The following CCDC141 variants were observed in gnomAD, a reference collection of about 807,000 sequenced individuals.
The protein encoded by CCDC141 is coiled-coil domain-containing protein 141.
In CCDC141, 168 loss-of-function variants were observed where a neutral mutation model predicts 181.0. The observed-to-expected ratio is 0.93, with a 90% CI of 0.82 to 1.05. The LOEUF (loss-of-function observed/expected upper bound fraction) is 1.05, where lower values mean the gene tolerates loss of function less well. Ranked by LOEUF, CCDC141 falls within the 50% of genes least tolerant of loss-of-function variation. CCDC141 has a pLI of 0.00. For missense variants in CCDC141, 1,902 were observed against 1,788.5 expected, an observed-to-expected ratio of 1.06 and a Z score of -1.14; for synonymous variants, 666 against 642.3, an observed-to-expected ratio of 1.04 and a Z score of -0.56.
At chr2:179,027,494 A>G (rs1343931708) in intron 2 of CCDC141, among the ~76,000 whole-genome samples, 3 of 151,688 alleles carry the variant, frequency 2.0e-5, no homozygotes, top group Non-Finnish European at 4.4e-5. Context: ...AATACAAAAA[A>G]AATAGCTGGG....
chr2:178,880,059 G>A (rs1055761195), intron 11 of CCDC141, among the ~76,000 whole-genome samples: 6 of 152,184 alleles, frequency 3.9e-5, no homozygotes, highest in African/African-American at 1.4e-4. Flanking sequence ...AATCAGCATG[G>A]CAATCATCAG....
Position 178,845,803 on chromosome 2 carries a change from A to C in CCDC141, c.3358-61T>G, listed in dbSNP as rs76705033. ...GGAAAGTTGGAGAACAGTGCCATACACTAACTACTTGGAAGAAAACATAGA... is the reference window on the plus strand; with the variant it reads ...GGAAAGTTGGAGAACAGTGCCATACCCTAACTACTTGGAAGAAAACATAGA... On this transcript the variant is annotated intron_variant, in intron 21 of 23. Coordinates refer to ENST00000443758, the MANE Select transcript of CCDC141 (RefSeq NM_173648.4). 1.2e-3 allele frequency: 1,149 copies of C among 937,156 alleles called. 6 individuals are homozygous for C. The African/African-American group carries it at 0.017, about 14-fold the overall frequency. The allele number at this position is 937,156 out of a possible 1,614,324, so 58.1% of individuals were successfully genotyped here.
At chr2:179,014,195 G>A (rs1434819816) in intron 2 of CCDC141, among the ~76,000 whole-genome samples, 1 of 152,018 alleles carries the variant, frequency 6.6e-6, no homozygotes, top group East Asian at 1.9e-4. Flanking sequence ...TCAACAAATG[G>A]TGCTGGGATA....
chr2:178,961,551 T>C (rs1690403084), intron 4 of CCDC141, 68 bp from the exon 5 acceptor site: 10 of 1,153,972 alleles, frequency 8.7e-6, no homozygotes, highest in Non-Finnish European at 1.2e-5. Context: ...ATATTCAGAC[T>C]CTTCATAATT....
chr2:179,029,315 A>T (rs991571559), intron 2 of CCDC141, among the ~76,000 whole-genome samples: 1 of 152,208 alleles, frequency 6.6e-6, no homozygotes, highest in African/African-American at 2.4e-5. Context: ...TAAATAAGTT[A>T]GAGTAGCAAT....
rs1455077583 is a variant in CCDC141 at position 178,871,504 on chromosome 2, C to A, written c.2128G>T (p.Ala710Ser). The change falls in exon 14 of 24, where the codon GCA becomes TCA. Residue 710 changes from alanine (A) to serine (S), a missense_variant. By Grantham distance (99) the Ala-to-Ser change is moderately conservative (BLOSUM62 1). Transcript: ENST00000443758. ...TGGAGGCTCCCTCCGAGGTCAAGTGCAGACACAGGCATAAGTGCTTCCTGA... is the reference window on the plus strand; with the variant it reads ...TGGAGGCTCCCTCCGAGGTCAAGTGAAGACACAGGCATAAGTGCTTCCTGA... Reference protein sequence around the residue: ...LLQEALMPVSALDLGGSLQFI... With the variant: ...LLQEALMPVSSLDLGGSLQFI... 6.2e-7 allele frequency: 1 copy of A among 1,613,986 alleles called. No individual in the cohort carries two copies. Among genetic ancestry groups the A allele is most frequent in the South Asian group, 1.1e-5 (1 of 91,042 alleles).
intron 2 of CCDC141, among the ~76,000 whole-genome samples, chr2:179,042,260 C>T (rs952544370): frequency 9.2e-5 from 14 of 152,224 alleles, no homozygotes; most frequent in Non-Finnish European, 1.8e-4. Flanking sequence ...TTAAGAAATT[C>T]AGTCAAAATC....
At chr2:178,901,095 G>A (rs556529372) in intron 8 of CCDC141, among the ~76,000 whole-genome samples, 1 of 152,092 alleles carries the variant, frequency 6.6e-6, no homozygotes, top group African/African-American at 2.4e-5. Flanking sequence ...CAGATAGGAA[G>A]GAGTAACCCA....
At chr2:178,880,179 A>C (rs1686531626) in intron 11 of CCDC141, among the ~76,000 whole-genome samples, 1 of 152,174 alleles carries the variant, frequency 6.6e-6, no homozygotes, top group African/African-American at 2.4e-5. Flanking sequence ...CCAACTGTTC[A>C]AAAAAGACTC....
At position 178,935,900 on chromosome 2, in the gene CCDC141, A is replaced by G. The variant is rs548174004; in HGVS notation, c.897+8635T>C. On this transcript the variant is annotated intron_variant, in intron 6 of 23. Transcript: ENST00000443758. ...TGGGCTACATGTATGTCTTCTTTTG[A>G]GAAGTGTCTGTTCATGTCCTTTATC... 1.1e-4 allele frequency among the ~76,000 whole-genome samples: 16 copies of G among 152,070 alleles called. No homozygotes were observed. In the South Asian group the frequency reaches 3.3e-3, roughly 32 times the overall value.
intron 4 of CCDC141, among the ~76,000 whole-genome samples, chr2:178,973,365 A>G (rs1197890395): frequency 6.6e-6 from 1 of 152,160 alleles, no homozygotes; most frequent in Non-Finnish European, 1.5e-5. Flanking sequence ...AGATGGAAGA[A>G]TATTTTTTCA....
At chr2:178,907,431 A>G (rs541205574) in intron 7 of CCDC141, among the ~76,000 whole-genome samples, 4 of 152,312 alleles carry the variant, frequency 2.6e-5, no homozygotes, top group African/African-American at 7.2e-5. Context: ...AAGACTTAAG[A>G]AGGAAGGGCT....
chr2:178,905,064 A>C (rs1416868665), intron 8 of CCDC141, among the ~76,000 whole-genome samples: 1 of 152,200 alleles, frequency 6.6e-6, no homozygotes, highest in Non-Finnish European at 1.5e-5. Flanking sequence ...TACTTTGTCC[A>C]TTCCCTTTCC....
At position 179,027,646 on chromosome 2, in the gene CCDC141, CAAAAAAAAAAAAAAAA is replaced by C. The variant is rs71023466; in HGVS notation, c.225+19622_225+19637del. ...GGCAACAGAGTGAGACTCTTACTCT[CAAAAAAAAAAAAAAAA>C]AAAAAAAAAAAAAAAAAAAGTTTCC... On this transcript the variant is annotated intron_variant, in intron 2 of 23. Transcript: ENST00000443758. 3.5e-3 allele frequency among the ~76,000 whole-genome samples: 185 copies of C among 53,286 alleles called. 3 individuals are homozygous for C. Among genetic ancestry groups the C allele is most frequent in the African/African-American group, 0.011 (162 of 14,472 alleles). 35.0% of individuals were successfully genotyped at this position (53,286 alleles called of 152,430 possible). A position where few individuals can be genotyped will look rare whatever the true frequency, so the allele number is the denominator to read the frequency against.
chr2:179,010,809 G>A (rs1228116056), intron 2 of CCDC141, among the ~76,000 whole-genome samples: 2 of 152,138 alleles, frequency 1.3e-5, no homozygotes, highest in Non-Finnish European at 2.9e-5. Context: ...GAATGCAACA[G>A]TACCTCATAT....
intron 7 of CCDC141, among the ~76,000 whole-genome samples, chr2:178,906,048 C>G (rs1687952953): frequency 6.6e-6 from 1 of 152,138 alleles, no homozygotes; most frequent in African/African-American, 2.4e-5. Flanking sequence ...TCCAAGGCAT[C>G]CATCTGTCTT....
intron 2 of CCDC141, among the ~76,000 whole-genome samples, chr2:179,016,936 C>T (rs943799012): frequency 6.6e-6 from 1 of 151,906 alleles, no homozygotes; most frequent in Non-Finnish European, 1.5e-5. Context: ...ATATTTGATA[C>T]AAAATATATT....
intron 11 of CCDC141, among the ~76,000 whole-genome samples, chr2:178,879,733 C>T (rs141742233): frequency 6.6e-6 from 1 of 152,270 alleles, no homozygotes; most frequent in East Asian, 1.9e-4. Context: ...TAGGGAAGAG[C>T]TTCCCAAAGG....
intron 2 of CCDC141, among the ~76,000 whole-genome samples, chr2:178,983,951 G>C (rs1246575462): frequency 6.7e-6 from 1 of 149,824 alleles, no homozygotes; most frequent in Admixed American, 6.7e-5. Flanking sequence ...TTCAGATTCA[G>C]GAAATACAGA....
Sources: gnomAD v4.1 joint callset for allele counts (sites outside exome capture counted in the v4.1 genomes callset) on GRCh38, gnomAD v4.1.1 for gene constraint, MANE v1.5 for transcripts, NCBI Gene and HGNC (gene_info 2026-07-23, HGNC 2026-07-21) for gene names.